SDK1: variants seen among roughly 807,000 people sequenced by gnomAD.
The protein encoded by SDK1 is sidekick cell adhesion molecule 1.
In SDK1, 157 loss-of-function variants were observed where a neutral mutation model predicts 245.5. That is an observed-to-expected ratio of 0.64 (90% CI 0.56 to 0.73). SDK1 has a LOEUF of 0.73. SDK1 is among the 30% of genes least tolerant of loss of function. The probability of loss-of-function intolerance (pLI) is 0.00; values close to 1 mark genes in which losing one functional copy is unlikely to be tolerated. For missense variants in SDK1, 3,583 were observed against 3,002.3 expected, an observed-to-expected ratio of 1.19 and a Z score of -4.52; for synonymous variants, 1,647 against 1,278.5, an observed-to-expected ratio of 1.29 and a Z score of -6.15.
intron 17 of SDK1, among the ~76,000 whole-genome samples, chr7:4,031,812 A>G (rs920302659): frequency 2.0e-5 from 3 of 152,088 alleles, no homozygotes; most frequent in African/African-American, 4.8e-5. Flanking sequence ...GGATCACCTG[A>G]GGTCAAGAGT....
intron 4 of SDK1, among the ~76,000 whole-genome samples, chr7:3,768,601 G>A (rs1056802335): frequency 6.6e-6 from 1 of 152,200 alleles, no homozygotes; most frequent in African/African-American, 2.4e-5. Flanking sequence ...GGAAGCTCCA[G>A]TGCCACCAGC....
At chr7:4,202,424 C>T (rs1783941956) in intron 35 of SDK1, among the ~76,000 whole-genome samples, 1 of 152,196 alleles carries the variant, frequency 6.6e-6, no homozygotes, top group Admixed American at 6.5e-5. Flanking sequence ...GGGAGCAGCC[C>T]CCGTGTGACT....
rs912039811 is a variant in SDK1 at position 3,962,797 on chromosome 7, T to C, written c.1375T>C (p.Phe459Leu). Residue 459 changes from phenylalanine to leucine, a missense_variant, in exon 9 of 45, where the codon TTC becomes CTC. By Grantham distance (22) the Phe-to-Leu change is conservative. Coordinates refer to ENST00000404826, the MANE Select transcript of SDK1 (RefSeq NM_152744.4). ...AGAGGACTCCGGAATCTTCCAGTGC[T>C]TCGCCAGCAATGAAGGAGGGGAGAT... ...RPEDSGIFQCFASNEGGEIQT... is the reference protein window; with the variant it reads ...RPEDSGIFQCLASNEGGEIQT... The C allele has an allele frequency of 1.9e-6, 3 of 1,613,656 alleles. No homozygotes were observed. Among genetic ancestry groups the C allele is most frequent in the Admixed American group, 3.3e-5 (2 of 59,996 alleles).
At chr7:3,561,025 A>C (rs1779735308) in intron 1 of SDK1, among the ~76,000 whole-genome samples, 1 of 152,044 alleles carries the variant, frequency 6.6e-6, no homozygotes, top group Admixed American at 6.5e-5. Context: ...TATCACATCT[A>C]ACATACTATA....
At chr7:4,047,326 CA>C (rs1789093868) in intron 17 of SDK1, among the ~76,000 whole-genome samples, 1 of 152,152 alleles carries the variant, frequency 6.6e-6, no homozygotes, top group African/African-American at 2.4e-5. Flanking sequence ...GCCAGCCTTC[CA>C]TGTATAAGAT....
chr7:4,091,541 C>T (rs1781803638), intron 22 of SDK1, among the ~76,000 whole-genome samples: 1 of 151,790 alleles, frequency 6.6e-6, no homozygotes, highest in Non-Finnish European at 1.5e-5. Flanking sequence ...TGGGGTTTTA[C>T]CATGTTGGCC....
intron 16 of SDK1, among the ~76,000 whole-genome samples, chr7:4,014,177 A>G (rs1421922988): frequency 6.6e-6 from 1 of 152,238 alleles, no homozygotes; most frequent in Non-Finnish European, 1.5e-5. Context: ...GCCGTCAAGT[A>G]AGGACTTTAA....
chr7:3,408,269 C>T (rs112989951), intron 1 of SDK1, among the ~76,000 whole-genome samples: 54 of 152,098 alleles, frequency 3.6e-4, no homozygotes, highest in South Asian at 1.2e-3. Flanking sequence ...ATCTTGAACT[C>T]CTGACCTCAA....
intron 1 of SDK1, among the ~76,000 whole-genome samples, chr7:3,403,876 ATATT>A (rs1161807810): frequency 7.8e-6 from 1 of 128,342 alleles, no homozygotes; most frequent in Non-Finnish European, 1.6e-5. Flanking sequence ...TATAATATAT[ATATT>A]TATTTATATT....
intron 5 of SDK1, among the ~76,000 whole-genome samples, chr7:3,939,084 G>T (rs555539230): frequency 6.6e-6 from 1 of 152,194 alleles, no homozygotes; most frequent in Non-Finnish European, 1.5e-5. Context: ...ATATACGACC[G>T]TATTTCCTCT....
rs1583149399 is a variant in SDK1 at position 4,237,682 on chromosome 7, T to G, written c.6028T>G (p.Phe2010Val). 1.2e-6 allele frequency: 2 copies of G among 1,614,080 alleles called. No homozygotes were observed. Among genetic ancestry groups the G allele is most frequent in the Non-Finnish European group, 1.7e-6 (2 of 1,179,986 alleles). The change falls in exon 42 of 45, where the codon TTC (phenylalanine) becomes GTC (valine). Residue 2010 changes from phenylalanine (F) to valine (V), a missense_variant. Phe to Val is a conservative substitution (Grantham distance 50). Coordinates refer to ENST00000404826, the MANE Select transcript of SDK1 (RefSeq NM_152744.4). ...AGCCCCATTCTACGAGGAGTGGTGG[T>G]TCCTCCTGGTGATGGCTCTGTCCAG... Reference protein sequence around the residue: ...VEAPFYEEWWFLLVMALSSLI... With the variant: ...VEAPFYEEWWVLLVMALSSLI...
In SDK1 at chr7:4,077,133, C is replaced by A. The variant is rs751167461; in HGVS notation, c.3146C>A (p.Thr1049Asn). The A allele has an allele frequency of 2.5e-6, 4 of 1,614,270 alleles. No individual in the cohort carries two copies. In the East Asian group the frequency reaches 8.9e-5, roughly 36 times the overall value. ...TTYTIDVAAV[T>N]AVGTGLVTSS... is the part of the protein sequence containing the mutation. Reference sequence around the variant, plus strand: ...TACACCATCGACGTGGCCGCTGTGACTGCCGTGGGCACTGGCCTGGTGACT... The same window carrying A: ...TACACCATCGACGTGGCCGCTGTGAATGCCGTGGGCACTGGCCTGGTGACT... The change falls in exon 21 of 45, where the codon ACT becomes AAT. Residue 1049 changes from threonine to asparagine, a missense_variant. Coordinates refer to ENST00000404826, the MANE Select transcript of SDK1 (RefSeq NM_152744.4).
intron 38 of SDK1, among the ~76,000 whole-genome samples, chr7:4,215,995 G>A (rs4723488): frequency 0.088 from 13,437 of 151,832 alleles, 607 homozygotes; most frequent in Middle Eastern, 0.13. Context: ...TCCCATCCCC[G>A]TTCCTGCATT....
chr7:3,411,133 G>A (rs1779188224), intron 1 of SDK1, among the ~76,000 whole-genome samples: 1 of 152,156 alleles, frequency 6.6e-6, no homozygotes. Flanking sequence ...AGCTCCTGCG[G>A]AAGACCAAGA....
chr7:4,164,729 C>G (rs970590773), intron 32 of SDK1, among the ~76,000 whole-genome samples: 1 of 152,194 alleles, frequency 6.6e-6, no homozygotes, highest in South Asian at 2.1e-4. Context: ...GTGGACGGTG[C>G]AGGGCTCGAG....
chr7:3,606,447 A>T (rs574557908), intron 1 of SDK1, among the ~76,000 whole-genome samples: 1 of 152,218 alleles, frequency 6.6e-6, no homozygotes, highest in Non-Finnish European at 1.5e-5. Context: ...AAATTTCCCC[A>T]TTGGCTTCCA....
intron 4 of SDK1, among the ~76,000 whole-genome samples, chr7:3,715,063 C>A (rs1472000240): frequency 6.6e-6 from 1 of 152,100 alleles, no homozygotes; most frequent in African/African-American, 2.4e-5. Context: ...TCAGCTTCTC[C>A]AATGATGGCT....
chr7:3,487,619 G>T (rs1279405841), intron 1 of SDK1, among the ~76,000 whole-genome samples: 1 of 151,942 alleles, frequency 6.6e-6, no homozygotes, highest in Non-Finnish European at 1.5e-5. Context: ...GCCAGGCATG[G>T]TAGCTTGCAC....
intron 22 of SDK1, among the ~76,000 whole-genome samples, chr7:4,082,613 C>T (rs1781134013): frequency 6.6e-6 from 1 of 151,714 alleles, no homozygotes; most frequent in Non-Finnish European, 1.5e-5. Flanking sequence ...CATTGTCACA[C>T]CTGATAAAAT....
Sources: gnomAD v4.1 joint callset for allele counts (sites outside exome capture counted in the v4.1 genomes callset) on GRCh38, gnomAD v4.1.1 for gene constraint, MANE v1.5 for transcripts, NCBI Gene and HGNC (gene_info 2026-07-23, HGNC 2026-07-21) for gene names.